The following STX8 variants were observed in gnomAD, a reference collection of about 807,000 sequenced individuals.
STX8 encodes the protein syntaxin 8.
Under a neutral mutation model 37.5 loss-of-function variants are expected in STX8, and 23 were observed. That is an observed-to-expected ratio of 0.61 (90% CI 0.44 to 0.87). The LOEUF (loss-of-function observed/expected upper bound fraction) is 0.87. STX8 is among the 40% of genes least tolerant of loss of function. The pLI is 0.00. For missense variants in STX8, 313 were observed against 284.7 expected (o/e 1.10, Z -0.71); for synonymous variants, 115 against 99.1 (o/e 1.16, Z -0.95).
chr17:9,392,629 T>TA (rs1912263968), intron 6 of STX8, among the ~76,000 whole-genome samples: 1 of 151,974 alleles, frequency 6.6e-6, no homozygotes, highest in Admixed American at 6.6e-5. Flanking sequence ...TAAATAAAAA[T>TA]AAAAATGCTC....
intron 5 of STX8, among the ~76,000 whole-genome samples, chr17:9,496,124 G>A (rs559435700): frequency 1.3e-5 from 2 of 150,710 alleles, no homozygotes; most frequent in East Asian, 3.9e-4. Context: ...CGCCCAGGCT[G>A]GAGTACAATG....
chr17:9,473,882 C>T (rs1324803118), intron 6 of STX8, among the ~76,000 whole-genome samples: 1 of 152,106 alleles, frequency 6.6e-6, no homozygotes, highest in African/African-American at 2.4e-5. Context: ...TCTATGAACA[C>T]ATCAGATAAT....
chr17:9,482,929 A>C (rs1464328544), intron 6 of STX8, among the ~76,000 whole-genome samples: 1 of 152,172 alleles, frequency 6.6e-6, no homozygotes, highest in Non-Finnish European at 1.5e-5. Context: ...AACAAAACAA[A>C]ACAAAAAAGA....
intron 6 of STX8, among the ~76,000 whole-genome samples, chr17:9,424,326 C>T (rs1299048992): frequency 6.6e-6 from 1 of 151,956 alleles, no homozygotes. Context: ...TGGGTCCCTG[C>T]AAGATTGGGG....
chr17:9,355,480 A>G (rs1198970397), intron 7 of STX8, among the ~76,000 whole-genome samples: 1 of 148,130 alleles, frequency 6.8e-6, no homozygotes, highest in Non-Finnish European at 1.5e-5. Context: ...GACTACAGGC[A>G]TGCACCACCA....
At chr17:9,312,863 C>T (rs1269421503) in intron 7 of STX8, among the ~76,000 whole-genome samples, 1 of 152,074 alleles carries the variant, frequency 6.6e-6, no homozygotes, top group Non-Finnish European at 1.5e-5. Flanking sequence ...TAGAATCTTG[C>T]GTCCCCAGGC....
At chr17:9,459,676 C>CT (rs1905294064) in intron 6 of STX8, among the ~76,000 whole-genome samples, 2 of 152,152 alleles carry the variant, frequency 1.3e-5, no homozygotes, top group African/African-American at 4.8e-5. Flanking sequence ...CCACGACGTC[C>CT]AGCTAATTTT....
chr17:9,493,394 G>GC (rs1455137589), intron 5 of STX8, among the ~76,000 whole-genome samples: 1 of 152,190 alleles, frequency 6.6e-6, no homozygotes, highest in East Asian at 1.9e-4. Flanking sequence ...TTCAGCAACT[G>GC]CAACTCCTTC....
At chr17:9,480,126 C>G (rs148137311) in intron 6 of STX8, among the ~76,000 whole-genome samples, 143 of 152,296 alleles carry the variant, frequency 9.4e-4, no homozygotes, top group African/African-American at 3.4e-3. Context: ...ATCACCGTCT[C>G]TAACTGTGTA....
chr17:9,297,686 G>A (rs151249941), intron 7 of STX8, among the ~76,000 whole-genome samples: 22 of 152,220 alleles, frequency 1.4e-4, no homozygotes, highest in African/African-American at 4.3e-4. Context: ...TGGGCAACAC[G>A]GCAAGACCCT....
intron 7 of STX8, among the ~76,000 whole-genome samples, chr17:9,304,804 C>A (rs904821049): frequency 2.6e-5 from 4 of 151,586 alleles, no homozygotes; most frequent in African/African-American, 9.7e-5. Context: ...TAAAATTGAT[C>A]AAAATTTCCA....
intron 7 of STX8, among the ~76,000 whole-genome samples, chr17:9,370,518 A>T (rs1411939113): frequency 6.6e-6 from 1 of 152,190 alleles, no homozygotes; most frequent in African/African-American, 2.4e-5. Context: ...CCCTAAGAAG[A>T]TCACATTCAG....
intron 6 of STX8, among the ~76,000 whole-genome samples, chr17:9,431,813 C>T (rs888945745): frequency 1.3e-5 from 2 of 152,192 alleles, no homozygotes; most frequent in African/African-American, 4.8e-5. Flanking sequence ...TCTCCAAATA[C>T]AGGTCAAGGC....
chr17:9,344,777 TA>T (rs1450821184), intron 7 of STX8, among the ~76,000 whole-genome samples: 1 of 150,898 alleles, frequency 6.6e-6, no homozygotes, highest in Non-Finnish European at 1.5e-5. Context: ...GTGATATTTT[TA>T]AAATCAAACT....
At chr17:9,404,958 C>T (rs567709585) in intron 6 of STX8, among the ~76,000 whole-genome samples, 1 of 152,266 alleles carries the variant, frequency 6.6e-6, no homozygotes, top group Non-Finnish European at 1.5e-5. Flanking sequence ...TCTTGAAACC[C>T]TTCAACCTCC....
chr17:9,485,882 G>A (rs564674443), intron 6 of STX8, among the ~76,000 whole-genome samples: 41 of 152,070 alleles, frequency 2.7e-4, no homozygotes, highest in African/African-American at 7.5e-4. Context: ...CACCATGCTC[G>A]GACAATCCGG....
chr17:9,461,007 C>T (rs1905360383), intron 6 of STX8, among the ~76,000 whole-genome samples: 1 of 151,132 alleles, frequency 6.6e-6, no homozygotes, highest in African/African-American at 2.4e-5. Flanking sequence ...TCTCAACAGC[C>T]TAGGAAAGAA....
At chr17:9,515,574 G>A (rs905885771) in intron 4 of STX8, among the ~76,000 whole-genome samples, 2 of 152,178 alleles carry the variant, frequency 1.3e-5, no homozygotes, top group African/African-American at 4.8e-5. Context: ...CCAGGCGGGA[G>A]TGCAGTGGTA....
chr17:9,327,812 C>T (rs946780052), intron 7 of STX8, among the ~76,000 whole-genome samples: 10 of 152,122 alleles, frequency 6.6e-5, no homozygotes, highest in African/African-American at 1.9e-4. Context: ...AATACTGGGA[C>T]TACAGGTGTG....
Sources: gnomAD v4.1 joint callset for allele counts (sites outside exome capture counted in the v4.1 genomes callset) on GRCh38, gnomAD v4.1.1 for gene constraint, MANE v1.5 for transcripts, NCBI Gene and HGNC (gene_info 2026-07-23, HGNC 2026-07-21) for gene names.